CIB4: variants seen among roughly 807,000 people sequenced by gnomAD.
CIB4 encodes calcium and integrin binding family member 4.
In CIB4, 25 loss-of-function variants were observed where a neutral mutation model predicts 25.8. The observed-to-expected ratio is 0.97, with a 90% CI of 0.71 to 1.35. The LOEUF (loss-of-function observed/expected upper bound fraction) is 1.35, where lower values mean the gene tolerates loss of function less well. CIB4 is among the 40% of genes most tolerant of loss of function. The pLI, the probability that CIB4 is intolerant of heterozygous loss-of-function variation, is 0.00. For synonymous variants in CIB4, 75 were observed against 81.4 expected (o/e 0.92, Z 0.42); for missense variants, 235 against 228.2 (o/e 1.03, Z -0.19).
chr2:26,592,828 T>C (rs2148194952), intron 4 of CIB4, among the ~76,000 whole-genome samples: 1 of 152,354 alleles, frequency 6.6e-6, no homozygotes, highest in Non-Finnish European at 1.5e-5. Context: ...ACTTCTTTGC[T>C]GAGATTTCCT....
chr2:26,615,171 G>A (rs1669067955), intron 3 of CIB4, among the ~76,000 whole-genome samples: 1 of 152,214 alleles, frequency 6.6e-6, no homozygotes, highest in South Asian at 2.1e-4. Flanking sequence ...GACAGTAACA[G>A]TCTGAATGCT....
intron 3 of CIB4, among the ~76,000 whole-genome samples, chr2:26,608,221 CAG>C (rs1398396419): frequency 8.0e-6 from 1 of 125,410 alleles, no homozygotes; most frequent in Non-Finnish European, 1.6e-5. Flanking sequence ...GCCTGGGCAA[CAG>C]AGTTAGACTC....
chr2:26,638,882 G>A (rs541281642), intron 2 of CIB4, among the ~76,000 whole-genome samples: 1 of 152,076 alleles, frequency 6.6e-6, no homozygotes, highest in East Asian at 1.9e-4. Flanking sequence ...AACCAGGGAG[G>A]CACAGGTTGC....
At chr2:26,604,192 C>A (rs1023802055) in intron 3 of CIB4, among the ~76,000 whole-genome samples, 3 of 151,976 alleles carry the variant, frequency 2.0e-5, no homozygotes, top group African/African-American at 4.8e-5. Flanking sequence ...CCAGTCTGGG[C>A]AGTTTAGCAA....
In CIB4 at chr2:26,581,312, C is replaced by T. The variant is rs377664452; in HGVS notation, c.*51G>A. 4.5e-5 allele frequency: 69 copies of T among 1,530,690 alleles called. No individual in the cohort carries two copies. The highest frequency in any genetic ancestry group is 1.7e-4 in the Middle Eastern group (1 of 5,928). The allele number at this position is 1,530,690 out of a possible 1,614,324, so 94.8% of individuals were successfully genotyped here. On this transcript the variant is annotated 3_prime_UTR_variant, in exon 7 of 7. Coordinates refer to ENST00000288861, the MANE Select transcript of CIB4 (RefSeq NM_001029881.3). ...GCTCCCTCCAGTGCTGGAGGGGGTT[C>T]GATTCCTGTGGTCTCCCTCGAGGCT...
At chr2:26,640,680 A>G in intron 1 of CIB4, 113 bp from the exon 2 acceptor site, 2 of 1,162,598 alleles carry the variant, frequency 1.7e-6, no homozygotes, top group South Asian at 2.9e-5. Context: ...TTTGCTGCAC[A>G]GCTGGGGGAA....
intron 3 of CIB4, among the ~76,000 whole-genome samples, chr2:26,620,405 G>A (rs10167395): frequency 0.17 from 25,828 of 152,038 alleles, 3,161 homozygotes; most frequent in African/African-American, 0.32. Context: ...TCAGCACCAC[G>A]GGGTGACTGC....
At chr2:26,585,870 C>A (rs1668442874) in intron 4 of CIB4, among the ~76,000 whole-genome samples, 1 of 152,082 alleles carries the variant, frequency 6.6e-6, no homozygotes, top group African/African-American at 2.4e-5. Context: ...GCTCCCCTCC[C>A]CAGCCCTTAC....
chr2:26,609,447 T>C (rs1459970248), intron 3 of CIB4, among the ~76,000 whole-genome samples: 1 of 152,010 alleles, frequency 6.6e-6, no homozygotes, highest in Non-Finnish European at 1.5e-5. Flanking sequence ...TTGACATGAG[T>C]GGAATTTTTG....
At chr2:26,608,594 T>C (rs527320090) in intron 3 of CIB4, among the ~76,000 whole-genome samples, 26 of 152,288 alleles carry the variant, frequency 1.7e-4, no homozygotes, top group African/African-American at 6.0e-4. Context: ...CCAGATGCTG[T>C]CAGGCTGACT....
intron 2 of CIB4, among the ~76,000 whole-genome samples, chr2:26,634,247 C>G (rs73920326): frequency 0.013 from 1,975 of 152,308 alleles, 55 homozygotes; most frequent in African/African-American, 0.046. Flanking sequence ...GCTTCACCCC[C>G]ACCCCACGGG....
intron 3 of CIB4, among the ~76,000 whole-genome samples, chr2:26,609,447 T>A (rs1459970248): frequency 6.6e-6 from 1 of 152,010 alleles, no homozygotes; most frequent in Admixed American, 6.6e-5. Flanking sequence ...TTGACATGAG[T>A]GGAATTTTTG....
intron 2 of CIB4, among the ~76,000 whole-genome samples, chr2:26,639,645 C>G (rs1669598955): frequency 6.6e-6 from 1 of 152,106 alleles, no homozygotes; most frequent in Admixed American, 6.5e-5. Context: ...CACTGGGTGA[C>G]AGCCCCTGGT....
intron 3 of CIB4, among the ~76,000 whole-genome samples, chr2:26,597,516 C>T (rs1254061451): frequency 6.6e-6 from 1 of 151,780 alleles, no homozygotes; most frequent in African/African-American, 2.4e-5. Flanking sequence ...TGAAGCATAT[C>T]CAACCACATT....
At chr2:26,600,295 C>T (rs1442155079) in intron 3 of CIB4, among the ~76,000 whole-genome samples, 4 of 151,626 alleles carry the variant, frequency 2.6e-5, no homozygotes, top group African/African-American at 7.3e-5. Context: ...ATCCCAGCTA[C>T]TCGGAGGCTG....
intron 3 of CIB4, among the ~76,000 whole-genome samples, chr2:26,618,284 G>T (rs1669133469): frequency 1.3e-5 from 2 of 152,066 alleles, no homozygotes; most frequent in Non-Finnish European, 1.5e-5. Flanking sequence ...GAAGAAGCAG[G>T]ACTGTCTTTC....
intron 6 of CIB4, among the ~76,000 whole-genome samples, chr2:26,582,096 T>A (rs74473225): frequency 0.017 from 2,531 of 152,320 alleles, 45 homozygotes; most frequent in African/African-American, 0.051. Context: ...GCTCCTGCCC[T>A]GGTGCTGGCT....
chr2:26,582,494 G>C (rs1047974800), intron 6 of CIB4, among the ~76,000 whole-genome samples: 1 of 152,190 alleles, frequency 6.6e-6, no homozygotes, highest in African/African-American at 2.4e-5. Flanking sequence ...CCAGTTGGCC[G>C]CTGGAGGCAG....
intron 3 of CIB4, among the ~76,000 whole-genome samples, chr2:26,612,449 GC>G: frequency 1.3e-5 from 2 of 152,322 alleles, no homozygotes; most frequent in East Asian, 3.9e-4. Context: ...GGTTCTAAGA[GC>G]CTTGTTGGCC....
Sources: gnomAD v4.1 joint callset for allele counts (sites outside exome capture counted in the v4.1 genomes callset) on GRCh38, gnomAD v4.1.1 for gene constraint, MANE v1.5 for transcripts, NCBI Gene and HGNC (gene_info 2026-07-23, HGNC 2026-07-21) for gene names.